The following KLRG1 variants were observed in gnomAD, a reference collection of about 807,000 sequenced individuals.
KLRG1 encodes the protein killer cell lectin like receptor G1, also known as killer cell lectin-like receptor subfamily G member 1.
A neutral mutation model predicts 21.8 loss-of-function variants in KLRG1; 16 were observed. The ratio of observed to expected loss-of-function variants is 0.73; its 90% CI spans 0.50 to 1.11. KLRG1 has a LOEUF of 1.11. KLRG1 is among the 50% of genes most tolerant of loss of function. The pLI, the probability that KLRG1 is intolerant of heterozygous loss-of-function variation, is 0.00. For missense variants in KLRG1, 173 were observed against 218.3 expected, an observed-to-expected ratio of 0.79 and a Z score of 1.31; for synonymous variants, 69 against 75.9, an observed-to-expected ratio of 0.91 and a Z score of 0.47.
chr12:9,151,386 A>G, the KLRG1 span, among the ~76,000 whole-genome samples: 1 of 152,246 alleles, frequency 6.6e-6, no homozygotes, highest in Non-Finnish European at 1.5e-5. Flanking sequence ...TAAATTTCAT[A>G]GAAATATTCA....
At chr12:9,158,520 T>A in the KLRG1 span, 6 of 1,614,136 alleles carry the variant, frequency 3.7e-6, no homozygotes, top group Non-Finnish European at 5.1e-6. Context: ...GTGTGCTTCA[T>A]CAATGAAGAT....
chr12:9,023,554 C>CA, the KLRG1 span, among the ~76,000 whole-genome samples: 2 of 151,246 alleles, frequency 1.3e-5, no homozygotes, highest in Non-Finnish European at 2.9e-5. Context: ...TTCTATTTAA[C>CA]TTTTTTTTCC....
chr12:9,040,766 T>C, the KLRG1 span, among the ~76,000 whole-genome samples: 28 of 152,236 alleles, frequency 1.8e-4, no homozygotes, highest in Non-Finnish European at 4.0e-4. Context: ...AATGTTTTGA[T>C]CTTACAAGAA....
chr12:9,089,861 T>C, the KLRG1 span: 1 of 1,292,440 alleles, frequency 7.7e-7, no homozygotes, highest in Non-Finnish European at 1.1e-6. Flanking sequence ...CCACATATAT[T>C]ATATATTATT....
At chr12:9,073,801 T>A in the KLRG1 span, among the ~76,000 whole-genome samples, 6 of 152,034 alleles carry the variant, frequency 3.9e-5, no homozygotes, top group Admixed American at 3.9e-4. Flanking sequence ...AAGAGGTGAA[T>A]AGGGGGCTGG....
At chr12:9,094,871 A>G in the KLRG1 span, 1 of 557,826 alleles carries the variant, frequency 1.8e-6, no homozygotes, top group East Asian at 3.2e-5. Flanking sequence ...TATGACTCAC[A>G]TGTCCTTTTT....
chr12:9,192,441 C>A, the KLRG1 span: 12 of 1,431,092 alleles, frequency 8.4e-6, no homozygotes, highest in African/African-American at 1.4e-5. Flanking sequence ...TTTATTTTGA[C>A]ATTCCTGAGC....
the KLRG1 span, among the ~76,000 whole-genome samples, chr12:9,141,820 A>G: frequency 1.3e-5 from 2 of 152,200 alleles, no homozygotes; most frequent in African/African-American, 4.8e-5. Context: ...TACTAGGTGG[A>G]GAGCCTAGGA....
At chr12:9,200,794 G>A in the KLRG1 span, 1 of 1,290,716 alleles carries the variant, frequency 7.7e-7, no homozygotes, top group African/African-American at 1.5e-5. Context: ...TGACTCTACT[G>A]CAAGTTCAAC....
At chr12:9,144,572 A>C in the KLRG1 span, among the ~76,000 whole-genome samples, 36 of 152,158 alleles carry the variant, frequency 2.4e-4, no homozygotes, top group Admixed American at 1.2e-3. Flanking sequence ...ACAGTCAAAG[A>C]CAGGTTTATT....
chr12:8,987,933 A>C (rs764840699), upstream of KLRG1, among the ~76,000 whole-genome samples: 6 of 152,328 alleles, frequency 3.9e-5, no homozygotes, highest in East Asian at 1.2e-3. Flanking sequence ...AGAGGCAGCT[A>C]AACTATTGAT....
the KLRG1 span, chr12:9,203,852 A>G: frequency 6.2e-7 from 1 of 1,614,150 alleles, no homozygotes; most frequent in Non-Finnish European, 8.5e-7. Flanking sequence ...ACTCCAAGGA[A>G]GCACTTACAG....
chr12:9,096,621 A>C, the KLRG1 span, among the ~76,000 whole-genome samples: 3 of 152,240 alleles, frequency 2.0e-5, no homozygotes, highest in Admixed American at 6.5e-5. Context: ...GGTGAGAAGT[A>C]AGACAGACAT....
intron 1 of KLRG1, among the ~76,000 whole-genome samples, chr12:8,990,649 G>A (rs1373605434): frequency 5.9e-5 from 9 of 151,826 alleles, no homozygotes; most frequent in South Asian, 2.1e-4. Flanking sequence ...GAAATATTAC[G>A]TTAGAAGTAA....
the KLRG1 span, among the ~76,000 whole-genome samples, chr12:9,075,684 C>T: frequency 5.3e-5 from 8 of 152,122 alleles, no homozygotes; most frequent in African/African-American, 1.9e-4. Context: ...AATCTTGTTT[C>T]TCTCAAGATG....
At chr12:8,953,659 GA>G (rs1336818924) in intron 1 of KLRG1, among the ~76,000 whole-genome samples, 8 of 152,088 alleles carry the variant, frequency 5.3e-5, no homozygotes, top group Non-Finnish European at 1.2e-4. Context: ...TTTTTGGATA[GA>G]AATGCAAGGG....
the KLRG1 span, among the ~76,000 whole-genome samples, chr12:9,171,716 T>C: frequency 2.6e-5 from 4 of 152,050 alleles, no homozygotes; most frequent in African/African-American, 9.7e-5. Context: ...AGTAGCAGGA[T>C]AGACCAAGAG....
At chr12:8,952,673 A>G (rs1347848972) in intron 1 of KLRG1, among the ~76,000 whole-genome samples, 4 of 152,214 alleles carry the variant, frequency 2.6e-5, no homozygotes, top group Non-Finnish European at 1.5e-5. Context: ...TTTATTTTGA[A>G]CAGGTTGAGA....
chr12:9,023,225 G>C, the KLRG1 span, among the ~76,000 whole-genome samples: 1 of 152,314 alleles, frequency 6.6e-6, no homozygotes, highest in East Asian at 1.9e-4. Flanking sequence ...TCTCCAGGTA[G>C]ATAGTATCGG....
Sources: allele counts gnomAD v4.1 joint callset (sites outside exome capture counted in the v4.1 genomes callset), GRCh38; gene constraint gnomAD v4.1.1; transcripts MANE v1.5; gene names NCBI Gene and HGNC (gene_info 2026-07-23, HGNC 2026-07-21).